Variants in GUCY1A2 observed in about 807,000 individuals in gnomAD.
GUCY1A2 encodes the protein guanylate cyclase 1 soluble subunit alpha 2.
Under a neutral mutation model 63.5 loss-of-function variants are expected in GUCY1A2, and 27 were observed. That is an observed-to-expected ratio of 0.43 (90% CI 0.31 to 0.59). The LOEUF is 0.59. GUCY1A2 is among the 20% of genes least tolerant of loss of function. The pLI, the probability that GUCY1A2 is intolerant of heterozygous loss-of-function variation, is 0.11. For synonymous variants in GUCY1A2, 364 were observed against 343.5 expected (o/e 1.06, Z -0.66); for missense variants, 768 against 913.3 (o/e 0.84, Z 2.05).
At chr11:106,759,622 A>T (rs1864030943) in intron 6 of GUCY1A2, among the ~76,000 whole-genome samples, 1 of 152,228 alleles carries the variant, frequency 6.6e-6, no homozygotes. Flanking sequence ...CCAATCCAAT[A>T]TGACTAGTAT....
intron 4 of GUCY1A2, among the ~76,000 whole-genome samples, chr11:106,873,469 G>A (rs1313434232): frequency 6.6e-6 from 1 of 152,104 alleles, no homozygotes; most frequent in Non-Finnish European, 1.5e-5. Context: ...ATTTTGACTG[G>A]TATGAGATGG....
chr11:106,751,950 C>G (rs1000110427), intron 6 of GUCY1A2, among the ~76,000 whole-genome samples: 4 of 152,118 alleles, frequency 2.6e-5, no homozygotes, highest in Non-Finnish European at 1.5e-5. Context: ...ATTCCTTGCA[C>G]TATGATATAC....
At chr11:106,992,660 C>T (rs1313951827) in intron 1 of GUCY1A2, among the ~76,000 whole-genome samples, 4 of 151,986 alleles carry the variant, frequency 2.6e-5, no homozygotes, top group Non-Finnish European at 5.9e-5. Context: ...AAACTGTCTT[C>T]AATAAGTAAG....
At chr11:106,878,298 C>G (rs973503348) in intron 4 of GUCY1A2, among the ~76,000 whole-genome samples, 3 of 151,982 alleles carry the variant, frequency 2.0e-5, no homozygotes, top group African/African-American at 7.2e-5. Context: ...CAAAGGAATA[C>G]AAATTGTTCT....
intron 5 of GUCY1A2, among the ~76,000 whole-genome samples, chr11:106,809,260 C>G (rs1373143144): frequency 6.6e-6 from 1 of 152,078 alleles, no homozygotes; most frequent in Non-Finnish European, 1.5e-5. Context: ...AAAAAAAGCC[C>G]TATGCCCTGA....
rs1232903114 is a variant in GUCY1A2 at position 106,675,019 on chromosome 11, A to G, written c.*12530T>C. The G allele has an allele frequency of 1.4e-5, 3 of 212,436 alleles. No homozygotes were observed. In the East Asian group the frequency reaches 2.1e-4, roughly 15 times the overall value. The allele number at this position is 212,436 out of a possible 1,614,324, so 13.2% of individuals were successfully genotyped here. A position where few individuals can be genotyped will look rare whatever the true frequency, so the allele number is the denominator to read the frequency against. On this transcript the variant is annotated 3_prime_UTR_variant, in exon 8 of 8. Coordinates refer to ENST00000526355, the MANE Select transcript of GUCY1A2 (RefSeq NM_000855.3). ...TTATTACTATTAGGATATTACTATTAGGATGATATTTAAAGTACTGTTTGG... is the reference window on the plus strand; with the variant it reads ...TTATTACTATTAGGATATTACTATTGGGATGATATTTAAAGTACTGTTTGG...
At chr11:106,751,026 A>C (rs953393021) in intron 6 of GUCY1A2, among the ~76,000 whole-genome samples, 20 of 152,104 alleles carry the variant, frequency 1.3e-4, no homozygotes, top group African/African-American at 4.8e-4. Context: ...GGTTAATTCT[A>C]TGTGCCACTG....
chr11:106,742,881 C>T (rs2135379819), intron 6 of GUCY1A2, among the ~76,000 whole-genome samples: 1 of 152,260 alleles, frequency 6.6e-6, no homozygotes, highest in Middle Eastern at 3.4e-3. Flanking sequence ...ACAGGTACTT[C>T]TGAAGTACCC....
chr11:106,731,455 A>G (rs764582582), intron 6 of GUCY1A2, among the ~76,000 whole-genome samples: 2 of 152,106 alleles, frequency 1.3e-5, no homozygotes, highest in Non-Finnish European at 2.9e-5. Flanking sequence ...AGCTGGAAAC[A>G]TTTCCCTTGA....
Position 106,962,640 on chromosome 11 carries a change from A to T in GUCY1A2, c.487+15979T>A, listed in dbSNP as rs993805320. 6.6e-5 allele frequency among the ~76,000 whole-genome samples: 10 copies of T among 151,812 alleles called. No individual in the cohort carries two copies. The South Asian group carries it at 2.1e-3, about 32-fold the overall frequency. On this transcript the variant is annotated intron_variant, in intron 3 of 7. Coordinates refer to ENST00000526355, the MANE Select transcript of GUCY1A2 (RefSeq NM_000855.3). Reference sequence around the variant, plus strand: ...GTAGGTGGGGGGAGTTAAATCACATAGACAGAATACCTGATTATGTCCTGC... The same window carrying T: ...GTAGGTGGGGGGAGTTAAATCACATTGACAGAATACCTGATTATGTCCTGC...
intron 1 of GUCY1A2, among the ~76,000 whole-genome samples, chr11:107,002,668 A>T (rs936115179): frequency 6.6e-6 from 1 of 152,192 alleles, no homozygotes; most frequent in South Asian, 2.1e-4. Flanking sequence ...CCATGACTTG[A>T]GTAAAATTAC....
At chr11:106,716,324 G>A (rs1863212999) in intron 6 of GUCY1A2, among the ~76,000 whole-genome samples, 1 of 152,090 alleles carries the variant, frequency 6.6e-6, no homozygotes, top group African/African-American at 2.4e-5. Context: ...TGCATTATAG[G>A]ATGATTACTG....
At chr11:106,995,010 T>C (rs1861517137) in intron 1 of GUCY1A2, among the ~76,000 whole-genome samples, 1 of 145,806 alleles carries the variant, frequency 6.9e-6, no homozygotes, top group Admixed American at 6.7e-5. Flanking sequence ...AAAATACCGA[T>C]GATAAGACAA....
chr11:106,764,948 A>G lies in GUCY1A2; in HGVS notation c.1836+11491T>C, dbSNP rs1483962244. 9.1e-5 allele frequency among the ~76,000 whole-genome samples: 11 copies of G among 121,420 alleles called. No homozygotes were observed. In the Admixed American group the frequency reaches 1.1e-3, roughly 12 times the overall value. 79.7% of individuals were successfully genotyped at this position (121,420 alleles called of 152,430 possible). A position where few individuals can be genotyped will look rare whatever the true frequency, so the allele number is the denominator to read the frequency against. On this transcript the variant is annotated intron_variant, in intron 6 of 7. Transcript: ENST00000526355. ...CTTTAAATGTAAAATAAGATTAACG[A>G]AACTTACTTTGCAGATTTTTTTGGG... is the stretch of plus-strand genomic sequence containing the variant.
chr11:106,954,187 A>G (rs562349119), intron 3 of GUCY1A2, among the ~76,000 whole-genome samples: 5 of 152,182 alleles, frequency 3.3e-5, no homozygotes, highest in Non-Finnish European at 7.4e-5. Flanking sequence ...TGTTTTAGCT[A>G]TGTTCCAGAG....
At chr11:106,854,437 G>A (rs1360990278) in intron 4 of GUCY1A2, among the ~76,000 whole-genome samples, 1 of 152,194 alleles carries the variant, frequency 6.6e-6, no homozygotes, top group East Asian at 1.9e-4. Flanking sequence ...ATATGTCAGT[G>A]GCAATGAACA....
In GUCY1A2 at chr11:106,681,999, C is replaced by T. The variant is rs981427096; in HGVS notation, c.*5550G>A. 5 of 211,654 alleles carry T rather than the reference C, an allele frequency of 2.4e-5. No individual in the cohort carries two copies. The highest frequency in any genetic ancestry group is 1.9e-4 in the South Asian group (1 of 5,136). The allele number at this position is 211,654 out of a possible 1,614,324, so 13.1% of individuals were successfully genotyped here. Reference sequence around the variant, plus strand: ...GTCCCAAAGGTCATAGTTTTTACCTCGGTGGTGAGGATTAGCAAATGTTGT... The same window carrying T: ...GTCCCAAAGGTCATAGTTTTTACCTTGGTGGTGAGGATTAGCAAATGTTGT... On this transcript the variant is annotated 3_prime_UTR_variant, in exon 8 of 8. Transcript: ENST00000526355.
At chr11:106,992,607 G>A (rs1311818367) in intron 1 of GUCY1A2, among the ~76,000 whole-genome samples, 1 of 152,098 alleles carries the variant, frequency 6.6e-6, no homozygotes, top group East Asian at 1.9e-4. Context: ...TGGGATTACA[G>A]GCATGAGCCA....
rs545972991 is a variant in GUCY1A2 at position 106,834,421 on chromosome 11, G to C, written c.1207-23943C>G. Among the ~76,000 whole-genome samples, 71 of 152,074 alleles carry C rather than the reference G, an allele frequency of 4.7e-4. 1 individual carries two copies. The highest frequency in any genetic ancestry group is 1.7e-3 in the African/African-American group (69 of 41,528). On this transcript the variant is annotated intron_variant, in intron 4 of 7. Coordinates refer to ENST00000526355, the MANE Select transcript of GUCY1A2 (RefSeq NM_000855.3). ...GCATCCAAATAGCACAAAGTAGCAA[G>C]AATCAGTAGAGACTACTAAACTGGA...
Sources: gnomAD v4.1 joint callset for allele counts (sites outside exome capture counted in the v4.1 genomes callset) on GRCh38, gnomAD v4.1.1 for gene constraint, MANE v1.5 for transcripts, NCBI Gene and HGNC (gene_info 2026-07-23, HGNC 2026-07-21) for gene names.